Variants in ERC2 observed in about 807,000 individuals in gnomAD.
ERC2 encodes ELKS/RAB6-interacting/CAST family member 2, also known as ERC protein 2.
ERC2 carries 42 observed loss-of-function variants against 114.8 expected under a neutral mutation model. That is an observed-to-expected ratio of 0.37 (90% confidence interval 0.29 to 0.47). The LOEUF (loss-of-function observed/expected upper bound fraction) is 0.47, where lower values mean the gene tolerates loss of function less well. Ranked by LOEUF, ERC2 falls within the 20% of genes least tolerant of loss-of-function variation. The pLI is 0.99. For synonymous variants in ERC2, 454 were observed against 425.5 expected (o/e 1.07, Z -0.82); for missense variants, 939 against 1,150.7 (o/e 0.82, Z 2.66).
rs1324129582 is a variant in ERC2, at chr3:55,549,537, T to C, written c.*40-38261A>G. On this transcript the variant is annotated intron_variant, in intron 17 of 17. Coordinates refer to ENST00000288221, the MANE Select transcript of ERC2 (RefSeq NM_015576.3). ...CGTTTTCAAAGCCTTTCCACATTCA[T>C]GGGCTCTGATATCAATAAACTCACA... Among the ~76,000 whole-genome samples the C allele has an allele frequency of 2.7e-5, 4 of 148,452 alleles. No homozygotes were observed. In the South Asian group the frequency reaches 8.8e-4, roughly 33 times the overall value.
intron 13 of ERC2, among the ~76,000 whole-genome samples, chr3:55,915,609 C>T (rs1430401536): frequency 6.6e-6 from 1 of 152,046 alleles, no homozygotes; most frequent in Non-Finnish European, 1.5e-5. Context: ...CAATAACATC[C>T]CATGGATCCT....
At position 55,791,815 on chromosome 3, in the gene ERC2, T is replaced by G. The variant is rs565466013; in HGVS notation, c.2565-56897A>C. Among the ~76,000 whole-genome samples the G allele has an allele frequency of 2.0e-5, 3 of 152,326 alleles. No homozygotes were observed. The South Asian group carries it at 6.2e-4, about 32-fold the overall frequency. ...ATTCAGAGATACAAGGAATCCAGAT[T>G]CATTTTTCTGCCCTTTATTTAACTG... On this transcript the variant is annotated intron_variant, in intron 14 of 17. Coordinates refer to ENST00000288221, the MANE Select transcript of ERC2 (RefSeq NM_015576.3).
chr3:56,379,359 A>G (rs1212688241), intron 2 of ERC2, among the ~76,000 whole-genome samples: 1 of 152,190 alleles, frequency 6.6e-6, no homozygotes, highest in Non-Finnish European at 1.5e-5. Flanking sequence ...AAAAAAACCA[A>G]AATAACCTGG....
chr3:55,959,569 G>A (rs994422622), intron 12 of ERC2, among the ~76,000 whole-genome samples: 10 of 152,132 alleles, frequency 6.6e-5, no homozygotes, highest in African/African-American at 2.4e-4. Flanking sequence ...GAACCCACAG[G>A]CATCTAATAA....
intron 7 of ERC2, among the ~76,000 whole-genome samples, chr3:56,070,842 C>A (rs1490993546): frequency 6.6e-6 from 1 of 152,140 alleles, no homozygotes; most frequent in Non-Finnish European, 1.5e-5. Flanking sequence ...ACTTCTAATT[C>A]CACCAAATGC....
At chr3:56,118,590 G>A (rs1210257268) in intron 6 of ERC2, among the ~76,000 whole-genome samples, 1 of 150,764 alleles carries the variant, frequency 6.6e-6, no homozygotes, top group Non-Finnish European at 1.5e-5. Flanking sequence ...TGCCTACGTA[G>A]TATAATTCCC....
chr3:55,579,076 G>C (rs2057129808), intron 17 of ERC2, among the ~76,000 whole-genome samples: 1 of 152,132 alleles, frequency 6.6e-6, no homozygotes, highest in South Asian at 2.1e-4. Flanking sequence ...CAAGCAGAGG[G>C]AAAAGAGAGC....
chr3:55,833,166 C>G (rs1190546467), intron 14 of ERC2, among the ~76,000 whole-genome samples: 1 of 149,510 alleles, frequency 6.7e-6, no homozygotes, highest in Non-Finnish European at 1.5e-5. Flanking sequence ...GAGAATGGAA[C>G]CAAGTTGGAA....
At chr3:56,232,320 C>T (rs2050679814) in intron 3 of ERC2, among the ~76,000 whole-genome samples, 1 of 151,764 alleles carries the variant, frequency 6.6e-6, no homozygotes, top group Admixed American at 6.6e-5. Context: ...AACAAAAATC[C>T]ACTCTAAAAT....
chr3:56,243,339 A>G (rs1344803379), intron 3 of ERC2, among the ~76,000 whole-genome samples: 1 of 152,212 alleles, frequency 6.6e-6, no homozygotes, highest in Non-Finnish European at 1.5e-5. Context: ...ACTCATTTCA[A>G]AGTGAACACA....
At chr3:56,282,605 G>T (rs938528448) in intron 3 of ERC2, among the ~76,000 whole-genome samples, 5 of 151,566 alleles carry the variant, frequency 3.3e-5, no homozygotes, top group African/African-American at 9.7e-5. Context: ...ATCTCATAGA[G>T]TTGTTCTGAG....
At chr3:56,333,879 T>C (rs957485240) in intron 2 of ERC2, among the ~76,000 whole-genome samples, 4 of 152,214 alleles carry the variant, frequency 2.6e-5, no homozygotes, top group African/African-American at 9.6e-5. Flanking sequence ...GAAACATATT[T>C]TGAAGTCTAA....
intron 14 of ERC2, among the ~76,000 whole-genome samples, chr3:55,782,420 C>T (rs1388032339): frequency 6.6e-6 from 1 of 152,166 alleles, no homozygotes; most frequent in African/African-American, 2.4e-5. Flanking sequence ...GTTTCCTATC[C>T]ACCAGGTTCA....
intron 17 of ERC2, among the ~76,000 whole-genome samples, chr3:55,593,519 G>C (rs1436062003): frequency 2.0e-5 from 3 of 152,138 alleles, no homozygotes; most frequent in Admixed American, 2.0e-4. Flanking sequence ...TCTCTCCCAA[G>C]CTCCTTATGT....
rs1252921113 is a variant in ERC2 at position 56,032,999 on chromosome 3, GAA to G, written c.1642-13970_1642-13969del. Among the ~76,000 whole-genome samples, 109 of 107,332 alleles carry G rather than the reference GAA, an allele frequency of 1.0e-3. 3 individuals carry two copies. The highest frequency in any genetic ancestry group is 9.7e-3 in the East Asian group (31 of 3,198). The allele number at this position is 107,332 out of a possible 152,430, so 70.4% of individuals were successfully genotyped here. Reference sequence around the variant, plus strand: ...AAAGAGAAAGAAAGAAAGAAAGAAAGAAAGAAAGAAAGAAAGAAAGAAAAAAG... The same window carrying G: ...AAAGAGAAAGAAAGAAAGAAAGAAAGAGAAAGAAAGAAAGAAAGAAAAAAG... On this transcript the variant is annotated intron_variant, in intron 7 of 17. Transcript: ENST00000288221.
chr3:55,646,071 C>T (rs1227449585), intron 17 of ERC2, among the ~76,000 whole-genome samples: 6 of 152,178 alleles, frequency 3.9e-5, no homozygotes, highest in Non-Finnish European at 1.5e-5. Context: ...TTTCACAACG[C>T]CCCCATCCCC....
chr3:56,044,733 C>T (rs565221383), intron 7 of ERC2, among the ~76,000 whole-genome samples: 4 of 151,926 alleles, frequency 2.6e-5, no homozygotes, highest in Non-Finnish European at 4.4e-5. Flanking sequence ...TAAGAGTCAC[C>T]GGGGGCAGGA....
chr3:56,065,153 T>C (rs1297746414), intron 7 of ERC2, among the ~76,000 whole-genome samples: 1 of 152,220 alleles, frequency 6.6e-6, no homozygotes, highest in Non-Finnish European at 1.5e-5. Flanking sequence ...GCTCATTTCC[T>C]ATGCATACAT....
At chr3:56,391,920 G>A (rs992312730) in intron 2 of ERC2, among the ~76,000 whole-genome samples, 4 of 152,058 alleles carry the variant, frequency 2.6e-5, no homozygotes, top group Non-Finnish European at 4.4e-5. Flanking sequence ...CATATCTGAC[G>A]GGAGATTAAT....
Sources: allele counts gnomAD v4.1 joint callset (sites outside exome capture counted in the v4.1 genomes callset), GRCh38; gene constraint gnomAD v4.1.1; transcripts MANE v1.5; gene names NCBI Gene and HGNC (gene_info 2026-07-23, HGNC 2026-07-21).